Variants in MDGA2 observed in about 807,000 individuals in gnomAD.
The protein encoded by MDGA2 is MAM domain containing glycosylphosphatidylinositol anchor 2.
MDGA2 carries 40 observed loss-of-function variants against 117.8 expected under a neutral mutation model. The observed-to-expected ratio is 0.34, with a 90% CI of 0.26 to 0.44. The LOEUF (loss-of-function observed/expected upper bound fraction) is 0.44, where lower values mean the gene tolerates loss of function less well. Ranked by LOEUF, MDGA2 falls within the 20% of genes least tolerant of loss-of-function variation. The pLI, the probability that MDGA2 is intolerant of heterozygous loss-of-function variation, is 1.00. For missense variants in MDGA2, 1,123 were observed against 1,250.6 expected (o/e 0.90, Z 1.54); for synonymous variants, 452 against 439.0 (o/e 1.03, Z -0.37).
At chr14:47,553,009 T>C (rs1895613753) in intron 1 of MDGA2, among the ~76,000 whole-genome samples, 1 of 152,204 alleles carries the variant, frequency 6.6e-6, no homozygotes, top group South Asian at 2.1e-4. Context: ...ATCAACCTAT[T>C]TTAAAAGGCA....
chr14:46,861,980 TA>T (rs925495477), intron 14 of MDGA2, among the ~76,000 whole-genome samples: 1 of 151,778 alleles, frequency 6.6e-6, no homozygotes, highest in Non-Finnish European at 1.5e-5. Context: ...AGTATTATAG[TA>T]AAAAAAACTC....
intron 3 of MDGA2, among the ~76,000 whole-genome samples, chr14:47,182,927 CTCAAT>C (rs1268623459): frequency 6.6e-6 from 1 of 151,968 alleles, no homozygotes; most frequent in East Asian, 1.9e-4. Flanking sequence ...TTTACAGAAA[CTCAAT>C]TCAATTTAAT....
At chr14:47,595,516 G>A (rs1477933329) in intron 1 of MDGA2, among the ~76,000 whole-genome samples, 6 of 136,570 alleles carry the variant, frequency 4.4e-5, no homozygotes, top group African/African-American at 1.6e-4. Flanking sequence ...CCTAGGTGAC[G>A]AGTGAAACTC....
intron 1 of MDGA2, among the ~76,000 whole-genome samples, chr14:47,482,931 A>AAG (rs1461778324): frequency 6.6e-6 from 1 of 151,698 alleles, no homozygotes; most frequent in East Asian, 1.9e-4. Flanking sequence ...AAAGGAAGGA[A>AAG]AGAGACGTTT....
chr14:47,546,402 T>C (rs1222356782), intron 1 of MDGA2, among the ~76,000 whole-genome samples: 1 of 152,182 alleles, frequency 6.6e-6, no homozygotes, highest in Non-Finnish European at 1.5e-5. Context: ...CAACTAATAA[T>C]GTGGACTAAT....
intron 5 of MDGA2, among the ~76,000 whole-genome samples, chr14:47,108,860 A>C (rs899783575): frequency 6.6e-6 from 1 of 152,236 alleles, no homozygotes; most frequent in Non-Finnish European, 1.5e-5. Context: ...GAAGCAAAAA[A>C]GATGATCCCC....
intron 3 of MDGA2, among the ~76,000 whole-genome samples, chr14:47,210,289 T>G (rs571943872): frequency 2.6e-5 from 4 of 152,180 alleles, no homozygotes; most frequent in African/African-American, 9.6e-5. Flanking sequence ...ACATGTTTAA[T>G]GGATATTGGA....
chr14:47,268,155 C>T (rs951870637), intron 2 of MDGA2, among the ~76,000 whole-genome samples: 7 of 151,870 alleles, frequency 4.6e-5, no homozygotes, highest in African/African-American at 9.7e-5. Flanking sequence ...TCACTGCAAC[C>T]TCCGCCTCCC....
intron 8 of MDGA2, 141 bp from the exon 9 acceptor site, chr14:46,957,784 GC>G (rs750655769): frequency 5.5e-5 from 52 of 942,580 alleles, no homozygotes; most frequent in Non-Finnish European, 7.4e-5. Flanking sequence ...ACATATTTAA[GC>G]CCAGAAATTT....
chr14:47,029,538 G>A (rs572055409), intron 8 of MDGA2, among the ~76,000 whole-genome samples: 1 of 152,244 alleles, frequency 6.6e-6, no homozygotes, highest in African/African-American at 2.4e-5. Context: ...CAACAAATGT[G>A]CATCTACATG....
chr14:46,996,827 T>C (rs909956438), intron 8 of MDGA2: 2 of 204,130 alleles, frequency 9.8e-6, no homozygotes, highest in Non-Finnish European at 1.0e-5. Flanking sequence ...TTTAACATCA[T>C]GCCCCTCAAG....
chr14:47,187,515 T>G (rs1377334603), intron 3 of MDGA2, among the ~76,000 whole-genome samples: 1 of 152,074 alleles, frequency 6.6e-6, no homozygotes, highest in Non-Finnish European at 1.5e-5. Context: ...TTTCTTCAAT[T>G]TAATGCTTGT....
intron 14 of MDGA2, among the ~76,000 whole-genome samples, chr14:46,860,480 T>A (rs1881465303): frequency 6.6e-6 from 1 of 151,996 alleles, no homozygotes; most frequent in Non-Finnish European, 1.5e-5. Context: ...TATTTTGGAA[T>A]AATTCATGGA....
chr14:47,052,689 A>C (rs1042674849), intron 7 of MDGA2, among the ~76,000 whole-genome samples: 1 of 151,888 alleles, frequency 6.6e-6, no homozygotes, highest in African/African-American at 2.4e-5. Flanking sequence ...GTTTTAAATA[A>C]TCCCTTTCAC....
intron 5 of MDGA2, among the ~76,000 whole-genome samples, chr14:47,117,966 A>G (rs1423776306): frequency 1.3e-5 from 2 of 152,212 alleles, no homozygotes; most frequent in Non-Finnish European, 2.9e-5. Flanking sequence ...AAATGTGCCA[A>G]GGAGAGGGAT....
At chr14:46,988,099 A>G (rs1886934285) in intron 8 of MDGA2, among the ~76,000 whole-genome samples, 1 of 152,086 alleles carries the variant, frequency 6.6e-6, no homozygotes, top group East Asian at 1.9e-4. Flanking sequence ...ATGGCTTCTT[A>G]GGATGGTACT....
In MDGA2 at chr14:47,264,734, A is replaced by C. The variant is rs149290871; in HGVS notation, c.420+36677T>G. On this transcript the variant is annotated intron_variant, in intron 2 of 16. Transcript: ENST00000399232. ...TATGCAGAATGTGCAGGTTTGTTAC[A>C]TAGGTATACACGTGCCATGGTAGTA... 4.4e-3 allele frequency among the ~76,000 whole-genome samples: 667 copies of C among 151,944 alleles called. 3 individuals are homozygous for C. Among genetic ancestry groups the C allele is most frequent in the African/African-American group, 0.015 (639 of 41,440 alleles).
chr14:47,604,293 A>G (rs1323971210), intron 1 of MDGA2, among the ~76,000 whole-genome samples: 1 of 150,876 alleles, frequency 6.6e-6, no homozygotes, highest in Non-Finnish European at 1.5e-5. Context: ...CTCTCATCCC[A>G]TGTTTATTAT....
chr14:47,301,294 CCCACACACACACACA>C, intron 2 of MDGA2, 102 bp downstream of exon 2: 1 of 1,019,126 alleles, frequency 9.8e-7, no homozygotes, highest in Non-Finnish European at 1.3e-6. Flanking sequence ...CCCACACCCA[CCCACACACACACACA>C]CACACACACA....
Sources: allele counts gnomAD v4.1 joint callset (sites outside exome capture counted in the v4.1 genomes callset), GRCh38; gene constraint gnomAD v4.1.1; transcripts MANE v1.5; gene names NCBI Gene and HGNC (gene_info 2026-07-23, HGNC 2026-07-21).